Variants in ULK4 observed in about 807,000 individuals in gnomAD.
ULK4 encodes inactive serine/threonine-protein kinase ULK4.
A neutral mutation model predicts 160.6 loss-of-function variants in ULK4; 133 were observed. That is an observed-to-expected ratio of 0.83 (90% CI 0.72 to 0.96). The LOEUF is 0.96. Among genes scored for constraint, ULK4 ranks in the 40% least tolerant of loss-of-function variants. The probability of loss-of-function intolerance (pLI) is 0.00; values close to 1 mark genes in which losing one functional copy is unlikely to be tolerated. For missense variants in ULK4, 1,580 were observed against 1,499.5 expected (o/e 1.05, Z -0.89); for synonymous variants, 534 against 539.8 (o/e 0.99, Z 0.15).
At chr3:41,640,683 T>C (rs1354548782) in intron 30 of ULK4, among the ~76,000 whole-genome samples, 1 of 152,194 alleles carries the variant, frequency 6.6e-6, no homozygotes, top group Admixed American at 6.5e-5. Flanking sequence ...AAAGGCATAG[T>C]GTACCTGAGA....
intron 32 of ULK4, among the ~76,000 whole-genome samples, chr3:41,556,118 A>G (rs1257234089): frequency 6.6e-6 from 1 of 152,026 alleles, no homozygotes; most frequent in Non-Finnish European, 1.5e-5. Flanking sequence ...TGTACAATAA[A>G]CCCCCATGAC....
chr3:41,876,959 T>C (rs940039450), intron 17 of ULK4, among the ~76,000 whole-genome samples: 7 of 152,194 alleles, frequency 4.6e-5, no homozygotes, highest in African/African-American at 1.7e-4. Context: ...TATTGGGTTT[T>C]CACACTTGGC....
chr3:41,532,484 A>T (rs2086353580), intron 32 of ULK4, among the ~76,000 whole-genome samples: 1 of 152,000 alleles, frequency 6.6e-6, no homozygotes, highest in African/African-American at 2.4e-5. Flanking sequence ...TTTGTTTTTT[A>T]TTTTTTCCAC....
chr3:41,520,407 C>G (rs1001328597), intron 32 of ULK4, among the ~76,000 whole-genome samples: 9 of 152,166 alleles, frequency 5.9e-5, no homozygotes, highest in Admixed American at 2.6e-4. Flanking sequence ...CTTTTTATGG[C>G]TAAATATTAT....
Position 41,918,555 on chromosome 3 carries a change from A to C in ULK4, c.644-15T>G. 7.0e-7 allele frequency: 1 copy of C among 1,434,472 alleles called. No individual in the cohort carries two copies. Among genetic ancestry groups the C allele is most frequent in the Non-Finnish European group, 9.5e-7 (1 of 1,057,036 alleles). 88.9% of individuals were successfully genotyped at this position (1,434,472 alleles called of 1,614,324 possible). ...TGGAGGTTTTCCTGAAATCACATGAAAACTTGCAAAATGAAAGAAGTCTGC... is the reference window on the plus strand; with the variant it reads ...TGGAGGTTTTCCTGAAATCACATGACAACTTGCAAAATGAAAGAAGTCTGC... On this transcript the variant is annotated splice_polypyrimidine_tract_variant and intron_variant, in intron 6 of 36. Transcript: ENST00000301831.
chr3:41,715,287 G>A lies in ULK4; in HGVS notation c.2584C>T (p.Arg862Ter), dbSNP rs199884004. ...VLHLVTSQVF[R>*]PQVVTEEFLF... ...AACTCTTCTGTCACAACTTGAGGTCGAAATACCTGTGTGATGAGAGTTTCT... is the reference window on the plus strand; with the variant it reads ...AACTCTTCTGTCACAACTTGAGGTCAAAATACCTGTGTGATGAGAGTTTCT... Residue 862 changes from arginine to a stop codon, truncating the protein, a stop_gained, in exon 25 of 37, where the codon CGA (arginine) becomes TGA (stop). Coordinates refer to ENST00000301831, the MANE Select transcript of ULK4 (RefSeq NM_017886.4). LOFTEE classifies it high-confidence loss of function. The A allele has an allele frequency of 3.8e-3, 6,119 of 1,613,740 alleles. 24 individuals carry two copies. Among genetic ancestry groups the A allele is most frequent in the Non-Finnish European group, 4.5e-3 (5,255 of 1,179,958 alleles).
At chr3:41,759,101 T>A (rs537771852) in intron 21 of ULK4, among the ~76,000 whole-genome samples, 3 of 152,238 alleles carry the variant, frequency 2.0e-5, no homozygotes, top group African/African-American at 7.2e-5. Flanking sequence ...ACAGACAAGG[T>A]GTTTCCCCAG....
At chr3:41,762,375 G>T (rs536622169) in intron 21 of ULK4, among the ~76,000 whole-genome samples, 1 of 151,690 alleles carries the variant, frequency 6.6e-6, no homozygotes, top group Non-Finnish European at 1.5e-5. Flanking sequence ...CTACCCAAAA[G>T]AATTTAAAAT....
chr3:41,450,548 A>C (rs1009066722), intron 34 of ULK4, among the ~76,000 whole-genome samples: 1 of 152,210 alleles, frequency 6.6e-6, no homozygotes, highest in Admixed American at 6.5e-5. Flanking sequence ...ATCTGGAAAA[A>C]ACCTCAAAAG....
intron 30 of ULK4, among the ~76,000 whole-genome samples, chr3:41,618,381 C>G (rs1390652501): frequency 1.3e-5 from 2 of 152,150 alleles, no homozygotes; most frequent in East Asian, 3.9e-4. Flanking sequence ...AGAGAAAGGT[C>G]AGGTTACCAA....
At chr3:41,954,457 C>T (rs1367658775) in intron 2 of ULK4, among the ~76,000 whole-genome samples, 165 bp downstream of exon 2, 1 of 152,114 alleles carries the variant, frequency 6.6e-6, no homozygotes, top group Non-Finnish European at 1.5e-5. Context: ...ATGTTTATTA[C>T]TCATTATTCA....
chr3:41,282,578 G>A (rs965394277), intron 35 of ULK4, among the ~76,000 whole-genome samples: 8 of 152,170 alleles, frequency 5.3e-5, no homozygotes, highest in Non-Finnish European at 1.0e-4. Context: ...AAATGGTGCT[G>A]GGAAAACTGG....
chr3:41,574,183 A>AAAC (rs2088101190), intron 31 of ULK4, among the ~76,000 whole-genome samples: 1 of 152,160 alleles, frequency 6.6e-6, no homozygotes, highest in African/African-American at 2.4e-5. Context: ...CCGTCTCAAA[A>AAAC]AAACAAACAA....
chr3:41,537,617 T>C (rs1191129621), intron 32 of ULK4, among the ~76,000 whole-genome samples: 1 of 152,184 alleles, frequency 6.6e-6, no homozygotes, highest in Non-Finnish European at 1.5e-5. Context: ...CATTGTCCAA[T>C]ATCAAAAGAA....
intron 17 of ULK4, among the ~76,000 whole-genome samples, chr3:41,866,992 G>A (rs1003081881): frequency 1.3e-5 from 2 of 151,920 alleles, no homozygotes; most frequent in Non-Finnish European, 2.9e-5. Flanking sequence ...ACTTTCTTTT[G>A]ATCAATCTAG....
chr3:41,647,596 T>C (rs2034561660), intron 30 of ULK4, among the ~76,000 whole-genome samples: 1 of 152,224 alleles, frequency 6.6e-6, no homozygotes, highest in Non-Finnish European at 1.5e-5. Flanking sequence ...GGTGTCAGTC[T>C]GCCCCTACTC....
intron 22 of ULK4, among the ~76,000 whole-genome samples, chr3:41,724,810 G>A (rs776191594): frequency 7.4e-4 from 112 of 152,246 alleles, no homozygotes; most frequent in Middle Eastern, 3.4e-3. Context: ...CCATTCTAGT[G>A]GGTATATGTT....
chr3:41,454,749 G>A (rs954114184), intron 34 of ULK4, among the ~76,000 whole-genome samples: 1 of 151,936 alleles, frequency 6.6e-6, no homozygotes, highest in South Asian at 2.1e-4. Flanking sequence ...CTGGAGTGAA[G>A]TGGCACGATC....
At chr3:41,516,716 G>T (rs2085760650) in intron 32 of ULK4, among the ~76,000 whole-genome samples, 1 of 138,912 alleles carries the variant, frequency 7.2e-6, no homozygotes, top group Non-Finnish European at 1.6e-5. Flanking sequence ...GTGGGGGAAG[G>T]TTGAGATGGT....
Sources: gnomAD v4.1 joint callset for allele counts (sites outside exome capture counted in the v4.1 genomes callset) on GRCh38, gnomAD v4.1.1 for gene constraint, MANE v1.5 for transcripts, NCBI Gene and HGNC (gene_info 2026-07-23, HGNC 2026-07-21) for gene names.